Variants in NAA16 observed in about 807,000 individuals in gnomAD.
NAA16 encodes NARG1-like protein.
A neutral mutation model predicts 110.3 loss-of-function variants in NAA16; 97 were observed. The ratio of observed to expected loss-of-function variants is 0.88; its 90% confidence interval spans 0.75 to 1.04. The LOEUF is 1.04. Ranked by LOEUF, NAA16 falls within the 50% of genes least tolerant of loss-of-function variation. The pLI, the probability that NAA16 is intolerant of heterozygous loss-of-function variation, is 0.00. For synonymous variants in NAA16, 372 were observed against 330.6 expected, an observed-to-expected ratio of 1.13 and a Z score of -1.36; for missense variants, 1,017 against 1,005.1, an observed-to-expected ratio of 1.01 and a Z score of -0.16.
intron 19 of NAA16, 103 bp from the exon 20 acceptor site, chr13:41,375,302 G>A: frequency 1.3e-6 from 1 of 743,324 alleles, no homozygotes; most frequent in Non-Finnish European, 2.2e-6. Flanking sequence ...TTTAGACTGA[G>A]GCAGCTTTCT....
In NAA16 at chr13:41,358,382, A is replaced by G; in HGVS notation, c.1166A>G (p.Gln389Arg). The G allele has an allele frequency of 6.2e-7, 1 of 1,613,888 alleles. No individual in the cohort carries two copies. The highest frequency in any genetic ancestry group is 1.1e-5 in the South Asian group (1 of 91,078). The change falls in exon 11 of 20, where the codon CAG becomes CGG. Residue 389 changes from glutamine (Q) to arginine (R), a missense_variant. Gln to Arg is a conservative substitution (Grantham distance 43, BLOSUM62 1). Coordinates refer to ENST00000379406, the MANE Select transcript of NAA16 (RefSeq NM_024561.5). ...GCACAGCACTTTGATAAACTTGGAC[A>G]GTATTCTTTGGCTTTGGATTATATT... is the stretch of plus-strand genomic sequence containing the variant. The part of the protein sequence containing the change: ...FLAQHFDKLG[Q>R]YSLALDYINA...
Position 41,355,575 on chromosome 13 carries a change from G to A in NAA16, c.1087+359G>A, listed in dbSNP as rs775104060. Among the ~76,000 whole-genome samples, 176 of 152,178 alleles carry A rather than the reference G, an allele frequency of 1.2e-3. 1 individual carries two copies. The highest frequency in any genetic ancestry group is 2.3e-3 in the Non-Finnish European group (155 of 67,974). On this transcript the variant is annotated intron_variant, in intron 10 of 19. Coordinates refer to ENST00000379406, the MANE Select transcript of NAA16 (RefSeq NM_024561.5). The stretch of plus-strand genomic sequence containing the variant: ...CTTCTGAGTAGCTGGGATTACAGGC[G>A]CCTGCCACCACTCCTGCCTAAGTGT...
chr13:41,315,658 A>G (rs764321802), intron 1 of NAA16, among the ~76,000 whole-genome samples: 3 of 151,316 alleles, frequency 2.0e-5, no homozygotes, highest in Non-Finnish European at 4.4e-5. Context: ...AAGTGGTAGT[A>G]TTTGTGTGTG....
At chr13:41,344,232 C>T (rs577059532) in intron 9 of NAA16, among the ~76,000 whole-genome samples, 1 of 152,336 alleles carries the variant, frequency 6.6e-6, no homozygotes, top group South Asian at 2.1e-4. Context: ...AGGTTGTAAA[C>T]ATCAATTTGT....
At chr13:41,372,975 C>A in intron 17 of NAA16, 145 bp downstream of exon 17, 1 of 1,115,350 alleles carries the variant, frequency 9.0e-7, no homozygotes, top group Non-Finnish European at 1.2e-6. Context: ...TGATACAAAT[C>A]CTCTGATCAT....
intron 3 of NAA16, among the ~76,000 whole-genome samples, chr13:41,319,876 T>TG (rs2041904718): frequency 6.6e-6 from 1 of 151,510 alleles, no homozygotes; most frequent in Admixed American, 6.6e-5. Context: ...TTTTTTTTTT[T>TG]GCTTATCTGT....
intron 17 of NAA16, 33 bp downstream of exon 17, chr13:41,372,863 T>C (rs777943966): frequency 6.8e-7 from 1 of 1,478,142 alleles, no homozygotes; most frequent in Non-Finnish European, 9.1e-7. Context: ...TTTACATTTG[T>C]GAATTATTTC....
In NAA16 at chr13:41,325,751, T is replaced by G; in HGVS notation, c.591T>G (p.Asn197Lys). ...YEYSELILYQ[N>K]QVMREADLLQ... ...ATAGTGAATTGATATTATACCAGAATCAAGTGATGAGAGAGGCAGATCTGT... is the reference window on the plus strand; with the variant it reads ...ATAGTGAATTGATATTATACCAGAAGCAAGTGATGAGAGAGGCAGATCTGT... The change falls in exon 6 of 20, where the codon AAT becomes AAG. Residue 197 changes from asparagine to lysine, a missense_variant. By Grantham distance (94) the Asn-to-Lys change is moderately conservative. Coordinates refer to ENST00000379406, the MANE Select transcript of NAA16 (RefSeq NM_024561.5). The G allele has an allele frequency of 6.2e-7, 1 of 1,603,800 alleles. No individual in the cohort carries two copies. Among genetic ancestry groups the G allele is most frequent in the Non-Finnish European group, 8.5e-7 (1 of 1,171,886 alleles).
chr13:41,318,490 T>C (rs147941114), intron 2 of NAA16, among the ~76,000 whole-genome samples: 2 of 152,262 alleles, frequency 1.3e-5, no homozygotes, highest in African/African-American at 4.8e-5. Context: ...GCGTGAGCCA[T>C]TGCACCTGGC....
chr13:41,336,011 G>A (rs2042371973), intron 8 of NAA16, among the ~76,000 whole-genome samples: 1 of 152,014 alleles, frequency 6.6e-6, no homozygotes, highest in Non-Finnish European at 1.5e-5. Flanking sequence ...CATTTCTGGG[G>A]TTTAGCAATG....
At chr13:41,368,991 T>A in intron 14 of NAA16, 99 bp from the exon 15 acceptor site, 2 of 1,040,496 alleles carry the variant, frequency 1.9e-6, no homozygotes, top group Non-Finnish European at 2.7e-6. Flanking sequence ...AATCCCCCAC[T>A]GATACCAAGG....
Position 41,375,464 on chromosome 13 carries a change from A to T in NAA16, c.2457A>T (p.Gln819His). The change falls in exon 20 of 20, where the codon CAA becomes CAT. Residue 819 changes from glutamine to histidine, a missense_variant. By Grantham distance (24) the Gln-to-His change is conservative. Coordinates refer to ENST00000379406, the MANE Select transcript of NAA16 (RefSeq NM_024561.5). ...LDGSFGNCSS[Q>H]YEEYRMACHN... The stretch of plus-strand genomic sequence containing the variant: ...GCAGCTTTGGGAACTGTAGTTCCCA[A>T]TATGAAGAATATAGGATGGCCTGTC... The T allele has an allele frequency of 6.2e-7, 1 of 1,614,084 alleles. No individual in the cohort carries two copies. The highest frequency in any genetic ancestry group is 8.5e-7 in the Non-Finnish European group (1 of 1,179,948).
At chr13:41,371,618 T>TTG (rs2043319752) in intron 15 of NAA16, among the ~76,000 whole-genome samples, 1 of 152,170 alleles carries the variant, frequency 6.6e-6, no homozygotes, top group East Asian at 1.9e-4. Flanking sequence ...GCTTACTTTA[T>TTG]TATAAGAATA....
At chr13:41,357,038 G>A (rs904643784) in intron 10 of NAA16, among the ~76,000 whole-genome samples, 1 of 152,206 alleles carries the variant, frequency 6.6e-6, no homozygotes, top group Admixed American at 6.5e-5. Flanking sequence ...ATGACGGCGT[G>A]GGGGCACGGT....
chr13:41,341,472 T>C (rs1299571239), intron 9 of NAA16, among the ~76,000 whole-genome samples: 5 of 152,258 alleles, frequency 3.3e-5, no homozygotes, highest in Non-Finnish European at 7.4e-5. Flanking sequence ...AATCCAGCAC[T>C]TTGGGAGGCT....
At chr13:41,358,628 A>T in intron 11 of NAA16, 155 bp downstream of exon 11, 1 of 1,444,054 alleles carries the variant, frequency 6.9e-7, no homozygotes, top group South Asian at 1.5e-5. Flanking sequence ...TGTATAATCA[A>T]TGTGTAATTA....
chr13:41,358,710 G>A, intron 11 of NAA16, 100 bp from the exon 12 acceptor site: 1 of 1,458,594 alleles, frequency 6.9e-7, no homozygotes, highest in Non-Finnish European at 9.1e-7. Context: ...TGACAGAAAT[G>A]GTGACAGATT....
intron 6 of NAA16, 27 bp from the exon 7 acceptor site, chr13:41,328,697 T>C: frequency 2.6e-6 from 4 of 1,567,370 alleles, no homozygotes; most frequent in Non-Finnish European, 3.5e-6. Context: ...ATGTTTAAAA[T>C]GAATATGTCT....
At chr13:41,331,192 CA>C in intron 7 of NAA16, 81 bp from the exon 8 acceptor site, 4 of 825,394 alleles carry the variant, frequency 4.8e-6, no homozygotes, top group Non-Finnish European at 5.8e-6. Flanking sequence ...TTATTTATAA[CA>C]AAATTTTAGA....
Sources: allele counts gnomAD v4.1 joint callset (sites outside exome capture counted in the v4.1 genomes callset), GRCh38; gene constraint gnomAD v4.1.1; transcripts MANE v1.5; gene names NCBI Gene and HGNC (gene_info 2026-07-23, HGNC 2026-07-21).